The following MUSK variants were observed in gnomAD, a reference collection of about 807,000 sequenced individuals.
The protein encoded by MUSK is muscle associated receptor tyrosine kinase.
A neutral mutation model predicts 88.7 loss-of-function variants in MUSK; 55 were observed. The observed-to-expected ratio is 0.62, with a 90% CI of 0.50 to 0.78. The LOEUF is 0.78. Among genes scored for constraint, MUSK ranks in the 30% least tolerant of loss-of-function variants. The probability of loss-of-function intolerance (pLI) is 0.00; values close to 1 mark genes in which losing one functional copy is unlikely to be tolerated. For synonymous variants in MUSK, 387 were observed against 391.9 expected (o/e 0.99, Z 0.15); for missense variants, 1,015 against 1,074.3 (o/e 0.94, Z 0.77).
At chr9:110,734,853 T>C (rs2077009211) in intron 6 of MUSK, among the ~76,000 whole-genome samples, 1 of 152,168 alleles carries the variant, frequency 6.6e-6, no homozygotes, top group Admixed American at 6.6e-5. Context: ...TACATACATT[T>C]ATTTATTTAT....
intron 7 of MUSK, among the ~76,000 whole-genome samples, chr9:110,755,316 C>T (rs1472580722): frequency 2.6e-5 from 4 of 152,182 alleles, no homozygotes; most frequent in Non-Finnish European, 5.9e-5. Context: ...TAAAACCCTA[C>T]TCTGGATCAA....
At chr9:110,739,416 A>G (rs1254683834) in intron 6 of MUSK, among the ~76,000 whole-genome samples, 1 of 152,126 alleles carries the variant, frequency 6.6e-6, no homozygotes, top group Non-Finnish European at 1.5e-5. Context: ...ACTGGAGCTC[A>G]GTTACATAGA....
intron 3 of MUSK, among the ~76,000 whole-genome samples, chr9:110,694,768 G>C (rs1026843350): frequency 2.6e-5 from 4 of 152,056 alleles, no homozygotes; most frequent in Non-Finnish European, 5.9e-5. Context: ...TCATATTTGA[G>C]AATAAAAATT....
In MUSK at chr9:110,785,553, C is replaced by G. The variant is rs928134595; in HGVS notation, c.1613C>G (p.Thr538Arg). Reference protein sequence around the residue: ...KRESAAVTLTTLPSELLLDRL... With the variant: ...KRESAAVTLTRLPSELLLDRL... ...GAATCAGCAGCAGTAACCCTCACCA[C>G]ACTGCCTTCTGAGCTCTTACTAGAT... Residue 538 changes from threonine (T) to arginine (R), a missense_variant, in exon 13 of 15, where the codon ACA becomes AGA. By Grantham distance (71) the Thr-to-Arg change is moderately conservative. Coordinates refer to ENST00000374448, the MANE Select transcript of MUSK (RefSeq NM_005592.4). 11 of 1,612,080 alleles carry G rather than the reference C, an allele frequency of 6.8e-6. No individual in the cohort carries two copies. The highest frequency in any genetic ancestry group is 9.3e-6 in the Non-Finnish European group (11 of 1,178,852).
Position 110,681,001 on chromosome 9 carries a change from TTATATTA to T in MUSK, c.80-1667_80-1661del, listed in dbSNP as rs1442285708. Among the ~76,000 whole-genome samples, 25 of 58,622 alleles carry T rather than the reference TTATATTA, an allele frequency of 4.3e-4. 2 individuals are homozygous for T. Among genetic ancestry groups the T allele is most frequent in the African/African-American group, 2.0e-3 (22 of 10,988 alleles). The allele number at this position is 58,622 out of a possible 152,430, so 38.5% of individuals were successfully genotyped here. A position where few individuals can be genotyped will look rare whatever the true frequency, so the allele number is the denominator to read the frequency against. Reference sequence around the variant, plus strand: ...TATATATAATGATCCTTATAATATATTATATTATATATAATATATATTATATATTATA... The same window carrying T: ...TATATATAATGATCCTTATAATATATTATATAATATATATTATATATTATA... On this transcript the variant is annotated intron_variant, in intron 1 of 14. Transcript: ENST00000374448.
intron 4 of MUSK, among the ~76,000 whole-genome samples, chr9:110,696,776 T>C (rs1056555879): frequency 6.6e-6 from 1 of 152,096 alleles, no homozygotes; most frequent in African/African-American, 2.4e-5. Context: ...GTAAACCTGA[T>C]AGTTAAAAGC....
intron 5 of MUSK, among the ~76,000 whole-genome samples, chr9:110,702,560 T>C (rs557817747): frequency 6.6e-6 from 1 of 152,164 alleles, no homozygotes; most frequent in Non-Finnish European, 1.5e-5. Flanking sequence ...GGCTTGATAT[T>C]GACTTAATAC....
intron 9 of MUSK, among the ~76,000 whole-genome samples, chr9:110,774,886 CACACACTCTT>C (rs1034536612): frequency 2.1e-5 from 3 of 139,610 alleles, no homozygotes; most frequent in Admixed American, 1.5e-4. Context: ...CACACACACA[CACACACTCTT>C]ACAATTTCCT....
chr9:110,711,527 C>T (rs571441554), intron 5 of MUSK, among the ~76,000 whole-genome samples: 1 of 152,230 alleles, frequency 6.6e-6, no homozygotes, highest in Non-Finnish European at 1.5e-5. Flanking sequence ...AGGAATTAGG[C>T]CAAAATGAAT....
chr9:110,758,711 C>A (rs2077359741), intron 7 of MUSK, among the ~76,000 whole-genome samples: 1 of 152,226 alleles, frequency 6.6e-6, no homozygotes, highest in Admixed American at 6.5e-5. Context: ...TGTTAAGCAA[C>A]ATCAGCAAAG....
At chr9:110,776,563 A>T in intron 10 of MUSK, 69 bp from the exon 11 acceptor site, 1 of 1,253,984 alleles carries the variant, frequency 8.0e-7, no homozygotes, top group Non-Finnish European at 1.2e-6. Flanking sequence ...CTTAGCACTC[A>T]CTCTCTCACA....
intron 7 of MUSK, 64 bp downstream of exon 7, chr9:110,747,864 A>G: frequency 7.1e-6 from 11 of 1,551,780 alleles, no homozygotes; most frequent in Non-Finnish European, 9.8e-6. Flanking sequence ...ATTCTACAAT[A>G]TCGAGCATTG....
At chr9:110,755,158 A>T (rs1425264922) in intron 7 of MUSK, among the ~76,000 whole-genome samples, 1 of 152,196 alleles carries the variant, frequency 6.6e-6, no homozygotes, top group Non-Finnish European at 1.5e-5. Context: ...TTTCCTTCAT[A>T]GTCACTCCAG....
At chr9:110,769,379 TAAG>T (rs1588016824) in intron 9 of MUSK, among the ~76,000 whole-genome samples, 2 of 152,132 alleles carry the variant, frequency 1.3e-5, no homozygotes. Context: ...TTTATTCATC[TAAG>T]AAGATTGTAT....
chr9:110,767,577 C>A (rs934576814), intron 8 of MUSK, among the ~76,000 whole-genome samples: 1 of 152,066 alleles, frequency 6.6e-6, no homozygotes, highest in Non-Finnish European at 1.5e-5. Flanking sequence ...CTTCATAGTT[C>A]CCAAAGCTTT....
intron 8 of MUSK, among the ~76,000 whole-genome samples, chr9:110,765,589 T>G (rs1472270355): frequency 6.6e-6 from 1 of 150,530 alleles, no homozygotes; most frequent in African/African-American, 2.4e-5. Context: ...ATCCTTTTTT[T>G]CTGAGACAGA....
Position 110,800,350 on chromosome 9 carries a change from A to G in MUSK, c.1972A>G (p.Met658Val), listed in dbSNP as rs1055882094. ...GCCAATGTGCCTGCTCTTTGAATACATGGCCTATGGTGACCTCAATGAGTT... is the reference window on the plus strand; with the variant it reads ...GCCAATGTGCCTGCTCTTTGAATACGTGGCCTATGGTGACCTCAATGAGTT... ...GKPMCLLFEYMAYGDLNEFLR... is the reference protein window; with the variant it reads ...GKPMCLLFEYVAYGDLNEFLR... Residue 658 changes from methionine to valine, a missense_variant, in exon 15 of 15, where the codon ATG becomes GTG. Coordinates refer to ENST00000374448, the MANE Select transcript of MUSK (RefSeq NM_005592.4). 12 of 1,613,560 alleles carry G rather than the reference A, an allele frequency of 7.4e-6. No individual in the cohort carries two copies. The African/African-American group carries it at 9.4e-5, about 13-fold the overall frequency.
intron 1 of MUSK, among the ~76,000 whole-genome samples, chr9:110,675,317 G>A (rs984942755): frequency 6.8e-6 from 1 of 146,854 alleles, no homozygotes; most frequent in Non-Finnish European, 1.5e-5. Context: ...CGCCTCCCTG[G>A]TTCACGCCAT....
At chr9:110,680,382 T>C (rs28393825) in intron 1 of MUSK, among the ~76,000 whole-genome samples, 4 of 78,600 alleles carry the variant, frequency 5.1e-5, no homozygotes, top group East Asian at 4.5e-4. Flanking sequence ...TTTCTTTTTT[T>C]CTTTTTTTTT....
Sources: allele counts gnomAD v4.1 joint callset (sites outside exome capture counted in the v4.1 genomes callset), GRCh38; gene constraint gnomAD v4.1.1; transcripts MANE v1.5; gene names NCBI Gene and HGNC (gene_info 2026-07-23, HGNC 2026-07-21).